SLC35F1: variants seen among roughly 807,000 people sequenced by gnomAD.
The protein encoded by SLC35F1 is solute carrier family 35 member F1, also known as chromosome 6 open reading frame 169.
SLC35F1 carries 14 observed loss-of-function variants against 48.7 expected under a neutral mutation model. That is an observed-to-expected ratio of 0.29 (90% CI 0.19 to 0.45). SLC35F1 has a LOEUF of 0.45. Among genes scored for constraint, SLC35F1 ranks in the 20% least tolerant of loss-of-function variants. The probability of loss-of-function intolerance (pLI) is 1.00; values close to 1 mark genes in which losing one functional copy is unlikely to be tolerated. For synonymous variants in SLC35F1, 190 were observed against 202.2 expected (o/e 0.94, Z 0.51); for missense variants, 404 against 500.0 (o/e 0.81, Z 1.83).
intron 2 of SLC35F1, among the ~76,000 whole-genome samples, chr6:118,176,737 C>CTTTTG (rs532229732): frequency 6.6e-6 from 1 of 151,932 alleles, no homozygotes; most frequent in African/African-American, 2.4e-5. Flanking sequence ...GTTTGTTTTT[C>CTTTTG]TTTTGTTTTG....
intron 1 of SLC35F1, among the ~76,000 whole-genome samples, chr6:118,001,758 A>C (rs564560407): frequency 4.4e-4 from 67 of 152,290 alleles, no homozygotes; most frequent in African/African-American, 1.6e-3. Flanking sequence ...TTACAAGAAA[A>C]AAACAAACAA....
Position 118,035,945 on chromosome 6 carries a change from G to T in SLC35F1, c.174-118500G>T, listed in dbSNP as rs1049340909. 2.0e-5 allele frequency among the ~76,000 whole-genome samples: 3 copies of T among 151,898 alleles called. No homozygotes were observed. In the South Asian group the frequency reaches 6.2e-4, roughly 32 times the overall value. The stretch of plus-strand genomic sequence containing the variant: ...CTGACCTCATGATCCGCCCGCCTCG[G>T]CCTCCCAAAGTGCTGGAATTACAGG... On this transcript the variant is annotated intron_variant, in intron 1 of 7. Transcript: ENST00000360388.
intron 2 of SLC35F1, among the ~76,000 whole-genome samples, chr6:118,181,047 C>CAA (rs1278191627): frequency 6.6e-6 from 1 of 151,926 alleles, no homozygotes; most frequent in Non-Finnish European, 1.5e-5. Flanking sequence ...CCTACAATTA[C>CAA]ATATGTAATA....
intron 4 of SLC35F1, among the ~76,000 whole-genome samples, chr6:118,271,127 T>C (rs1347258459): frequency 6.6e-6 from 1 of 152,198 alleles, no homozygotes; most frequent in Non-Finnish European, 1.5e-5. Context: ...ACACTTTTTA[T>C]TGAGTGCCCA....
At chr6:118,283,896 C>A (rs1438470124) in intron 6 of SLC35F1, among the ~76,000 whole-genome samples, 1 of 152,120 alleles carries the variant, frequency 6.6e-6, no homozygotes, top group Non-Finnish European at 1.5e-5. Flanking sequence ...AATATTACTG[C>A]GATAGAATCT....
At chr6:118,050,399 A>G (rs1329457594) in intron 1 of SLC35F1, among the ~76,000 whole-genome samples, 1 of 151,732 alleles carries the variant, frequency 6.6e-6, no homozygotes, top group Non-Finnish European at 1.5e-5. Context: ...AAAGGAAAAC[A>G]AAACCAAAAA....
intron 2 of SLC35F1, among the ~76,000 whole-genome samples, chr6:118,170,926 A>C (rs909808764): frequency 6.6e-6 from 1 of 152,202 alleles, no homozygotes; most frequent in Admixed American, 6.5e-5. Flanking sequence ...TTTGTTATTT[A>C]TCTTTCATGG....
intron 1 of SLC35F1, among the ~76,000 whole-genome samples, chr6:117,980,638 T>C (rs1776765433): frequency 6.6e-6 from 1 of 152,204 alleles, no homozygotes; most frequent in Non-Finnish European, 1.5e-5. Context: ...TTTAGGGAGC[T>C]CAAATTTTAA....
At chr6:118,066,740 C>CTTTTT (rs778659612) in intron 1 of SLC35F1, among the ~76,000 whole-genome samples, 74 of 125,130 alleles carry the variant, frequency 5.9e-4, no homozygotes, top group Non-Finnish European at 8.3e-4. Context: ...GGCAGTAGTT[C>CTTTTT]TTTTTTTTTT....
chr6:118,014,373 C>A (rs935858963), intron 1 of SLC35F1, among the ~76,000 whole-genome samples: 2 of 151,948 alleles, frequency 1.3e-5, no homozygotes, highest in African/African-American at 4.8e-5. Flanking sequence ...CTCTTGATGG[C>A]CTGTGAGAAA....
intron 1 of SLC35F1, among the ~76,000 whole-genome samples, chr6:118,043,359 T>C (rs149851012): frequency 1.6e-4 from 19 of 120,636 alleles, no homozygotes; most frequent in African/African-American, 5.2e-4. Context: ...AGTTAGAATG[T>C]CTTAGCATCA....
chr6:118,096,463 A>T (rs866644180), intron 1 of SLC35F1, among the ~76,000 whole-genome samples: 26 of 152,214 alleles, frequency 1.7e-4, no homozygotes, highest in African/African-American at 6.0e-4. Context: ...TGAATAAATA[A>T]TCATAGTTCT....
intron 7 of SLC35F1, among the ~76,000 whole-genome samples, chr6:118,299,506 A>G (rs2114657660): frequency 6.6e-6 from 1 of 152,362 alleles, no homozygotes; most frequent in African/African-American, 2.4e-5. Context: ...AACCAACTAT[A>G]TTAAAATAAC....
At chr6:117,945,897 C>T (rs1355464906) in intron 1 of SLC35F1, among the ~76,000 whole-genome samples, 1 of 152,072 alleles carries the variant, frequency 6.6e-6, no homozygotes, top group African/African-American at 2.4e-5. Context: ...GATCTTAAGA[C>T]CAAAACATCA....
At chr6:118,278,264 G>A (rs1296198551) in intron 6 of SLC35F1, among the ~76,000 whole-genome samples, 1 of 152,210 alleles carries the variant, frequency 6.6e-6, no homozygotes, top group East Asian at 1.9e-4. Flanking sequence ...AGCACAGAAC[G>A]TGGCTTATGG....
intron 1 of SLC35F1, among the ~76,000 whole-genome samples, chr6:118,031,413 C>T (rs937110329): frequency 3.9e-5 from 6 of 152,156 alleles, no homozygotes; most frequent in African/African-American, 1.4e-4. Flanking sequence ...TCCAGATTCT[C>T]ATTTGTTCAC....
At chr6:117,948,809 A>G (rs1167368032) in intron 1 of SLC35F1, among the ~76,000 whole-genome samples, 2 of 152,110 alleles carry the variant, frequency 1.3e-5, no homozygotes, top group Non-Finnish European at 1.5e-5. Context: ...ACTTCCTGGT[A>G]AGGGTTGAAG....
At chr6:118,067,690 TG>T (rs1235641431) in intron 1 of SLC35F1, among the ~76,000 whole-genome samples, 1 of 152,078 alleles carries the variant, frequency 6.6e-6, no homozygotes, top group Non-Finnish European at 1.5e-5. Flanking sequence ...CAAGAGCAGG[TG>T]CAATTAATGG....
intron 1 of SLC35F1, among the ~76,000 whole-genome samples, chr6:118,098,759 A>G (rs1773214009): frequency 1.3e-5 from 2 of 152,322 alleles, no homozygotes; most frequent in Admixed American, 1.3e-4. Flanking sequence ...GACTTTATGT[A>G]TAATGTTTGG....
Sources: allele counts gnomAD v4.1 joint callset (sites outside exome capture counted in the v4.1 genomes callset), GRCh38; gene constraint gnomAD v4.1.1; transcripts MANE v1.5; gene names NCBI Gene and HGNC (gene_info 2026-07-23, HGNC 2026-07-21).